Variants in USP7 observed in about 807,000 individuals in gnomAD.
USP7 encodes ubiquitin C-terminal hydrolase 7.
Under a neutral mutation model 162.9 loss-of-function variants are expected in USP7, and 9 were observed. The observed-to-expected ratio is 0.06, with a 90% confidence interval of 0.03 to 0.10. USP7 has a LOEUF of 0.10. USP7 is among the 10% of genes least tolerant of loss of function. The pLI, the probability that USP7 is intolerant of heterozygous loss-of-function variation, is 1.00. For missense variants in USP7, 715 were observed against 1,373.7 expected (o/e 0.52, Z 7.58); for synonymous variants, 562 against 475.9 (o/e 1.18, Z -2.35).
chr16:8,932,985 G>C (rs571717844), intron 1 of USP7, among the ~76,000 whole-genome samples: 87 of 151,972 alleles, frequency 5.7e-4, no homozygotes, highest in African/African-American at 2.0e-3. Context: ...TCGTTGCCCA[G>C]GCTGGAGTTC....
In USP7 at chr16:8,963,299, T is replaced by A; in HGVS notation, c.-14A>T. The stretch of plus-strand genomic sequence containing the variant: ...CTGGTGGTTCATGTCGGCCGCGGCC[T>A]GGGCCTCGCCTGCGGCCGGGGGCCG... On this transcript the variant is annotated 5_prime_UTR_variant, in exon 1 of 31. Coordinates refer to ENST00000344836, the MANE Select transcript of USP7 (RefSeq NM_003470.3). 3.3e-6 allele frequency: 4 copies of A among 1,195,804 alleles called. No homozygotes were observed. Among genetic ancestry groups the A allele is most frequent in the Non-Finnish European group, 4.3e-6 (4 of 935,192 alleles). The allele number at this position is 1,195,804 out of a possible 1,614,324, so 74.1% of individuals were successfully genotyped here.
intron 21 of USP7, chr16:8,900,106 G>T (rs2061750392): frequency 2.6e-6 from 1 of 389,068 alleles, no homozygotes; most frequent in Non-Finnish European, 4.6e-6. Context: ...CTCTGACCGT[G>T]AGTCAGGAAA....
chr16:8,957,912 A>C (rs1356468354), intron 1 of USP7, among the ~76,000 whole-genome samples: 2 of 152,204 alleles, frequency 1.3e-5, no homozygotes, highest in African/African-American at 4.8e-5. Flanking sequence ...GGATCAAAAA[A>C]ACACCATTAC....
Position 8,905,338 on chromosome 16 carries a change from G to A in USP7, c.1429-7C>T, listed in dbSNP as rs1164350658. On this transcript the variant is annotated splice_region_variant and splice_polypyrimidine_tract_variant and intron_variant, in intron 13 of 30. Coordinates refer to ENST00000344836, the MANE Select transcript of USP7 (RefSeq NM_003470.3). ...CGTCATCAAATTTACACCACTGCAA[G>A]GAAAACAACACACACCAGCAGCGAT... 2.5e-6 allele frequency: 4 copies of A among 1,613,466 alleles called. No homozygotes were observed. The highest frequency in any genetic ancestry group is 2.2e-5 in the East Asian group (1 of 44,862).
intron 1 of USP7, among the ~76,000 whole-genome samples, chr16:8,957,258 C>A (rs1473994543): frequency 6.6e-6 from 1 of 152,124 alleles, no homozygotes; most frequent in Non-Finnish European, 1.5e-5. Flanking sequence ...CACTTAAAAC[C>A]CTGCTTCCTC....
In USP7 at chr16:8,902,501, G is replaced by C; in HGVS notation, c.1840-19C>G. ...GAAATCCCTGAAAAAAATATTAAGA[G>C]TAGATTAAAATAAAAACACGCTCAT... is the stretch of plus-strand genomic sequence containing the variant. On this transcript the variant is annotated intron_variant, in intron 16 of 30. Transcript: ENST00000344836. 1 of 1,605,770 alleles carries C rather than the reference G, an allele frequency of 6.2e-7. No individual in the cohort carries two copies. Among genetic ancestry groups the C allele is most frequent in the Non-Finnish European group, 8.5e-7 (1 of 1,174,572 alleles).
intron 1 of USP7, among the ~76,000 whole-genome samples, chr16:8,948,892 AG>A (rs1899419545): frequency 1.3e-5 from 2 of 152,082 alleles, no homozygotes; most frequent in East Asian, 1.9e-4. Context: ...TTGGCCCAGG[AG>A]CTTAAGGCTG....
chr16:8,924,935 T>A (rs556407785), intron 2 of USP7, among the ~76,000 whole-genome samples: 5 of 152,252 alleles, frequency 3.3e-5, no homozygotes, highest in African/African-American at 1.2e-4. Flanking sequence ...CCAAAATAAT[T>A]ATTTATTTGA....
intron 28 of USP7, 62 bp from the exon 29 acceptor site, chr16:8,894,917 T>G: frequency 6.2e-7 from 1 of 1,613,814 alleles, no homozygotes; most frequent in Non-Finnish European, 8.5e-7. Flanking sequence ...CCACGTCACG[T>G]GGCAGCCGCC....
chr16:8,894,511 GA>G, intron 30 of USP7, 38 bp downstream of exon 30: 1 of 1,578,354 alleles, frequency 6.3e-7, no homozygotes. Flanking sequence ...TTCTTAGTCT[GA>G]AACCCACACC....
chr16:8,899,558 C>A (rs779597376), intron 22 of USP7, 46 bp downstream of exon 22: 15 of 1,598,076 alleles, frequency 9.4e-6, no homozygotes, highest in Admixed American at 1.8e-5. Flanking sequence ...AGAAATTTGT[C>A]TTTCTGGAGT....
Position 8,899,864 on chromosome 16 carries a change from G to C in USP7, c.2310-107C>G, listed in dbSNP as rs1037358545. ...AACAGTGACACCAACAGGCTCTCTT[G>C]CAAGATAAATTCAGGTTCCCCTTTG... On this transcript the variant is annotated intron_variant, in intron 21 of 30. Transcript: ENST00000344836. The C allele has an allele frequency of 3.0e-6, 4 of 1,351,862 alleles. No individual in the cohort carries two copies. The African/African-American group carries it at 5.8e-5, about 20-fold the overall frequency. 83.7% of individuals were successfully genotyped at this position (1,351,862 alleles called of 1,614,324 possible). A position where few individuals can be genotyped will look rare whatever the true frequency, so the allele number is the denominator to read the frequency against.
At chr16:8,902,918 T>G (rs776757710) in intron 16 of USP7, among the ~76,000 whole-genome samples, 2 of 152,168 alleles carry the variant, frequency 1.3e-5, no homozygotes, top group Non-Finnish European at 2.9e-5. Context: ...GAAAAAGAAT[T>G]CTAATTCTTC....
chr16:8,945,928 G>C (rs1420893506), intron 1 of USP7, among the ~76,000 whole-genome samples: 1 of 152,044 alleles, frequency 6.6e-6, no homozygotes, highest in African/African-American at 2.4e-5. Context: ...CACTGATTGA[G>C]AAATCACATT....
intron 1 of USP7, chr16:8,949,545 C>T (rs774632411): frequency 2.0e-5 from 3 of 152,434 alleles, no homozygotes; most frequent in Non-Finnish European, 4.4e-5. Flanking sequence ...TTGCCGCTGC[C>T]ATCCTTACCT....
intron 1 of USP7, among the ~76,000 whole-genome samples, chr16:8,934,295 G>GT (rs1293831616): frequency 3.3e-5 from 5 of 152,164 alleles, no homozygotes; most frequent in African/African-American, 1.2e-4. Flanking sequence ...TGAGGTACAG[G>GT]TTATGGTTTC....
chr16:8,923,050 T>C (rs1253003676), intron 3 of USP7, among the ~76,000 whole-genome samples, 165 bp downstream of exon 3: 1 of 152,232 alleles, frequency 6.6e-6, no homozygotes, highest in African/African-American at 2.4e-5. Flanking sequence ...GATAAAAATA[T>C]ACTTTTCTAG....
chr16:8,910,699 AAG>A (rs1484394320), intron 11 of USP7, 44 bp downstream of exon 11: 2 of 1,540,294 alleles, frequency 1.3e-6, no homozygotes, highest in East Asian at 2.2e-5. Context: ...ATTGAAAATA[AAG>A]AAGAACGCTA....
At chr16:8,942,354 A>G (rs548057131) in intron 1 of USP7, among the ~76,000 whole-genome samples, 1 of 152,282 alleles carries the variant, frequency 6.6e-6, no homozygotes, top group East Asian at 1.9e-4. Context: ...CCAAATATCA[A>G]GCAGTGGGGT....
Sources: gnomAD v4.1 joint callset for allele counts (sites outside exome capture counted in the v4.1 genomes callset) on GRCh38, gnomAD v4.1.1 for gene constraint, MANE v1.5 for transcripts, NCBI Gene and HGNC (gene_info 2026-07-23, HGNC 2026-07-21) for gene names.